The following ALMS1 variants were observed in gnomAD, a reference collection of about 807,000 sequenced individuals.
ALMS1 encodes the protein centrosome-associated protein ALMS1.
ALMS1 carries 271 observed loss-of-function variants against 352.2 expected under a neutral mutation model. The ratio of observed to expected loss-of-function variants is 0.77; its 90% confidence interval spans 0.70 to 0.85. The LOEUF (loss-of-function observed/expected upper bound fraction) is 0.85. ALMS1 is among the 40% of genes least tolerant of loss of function. The probability of loss-of-function intolerance (pLI) is 0.00; values close to 1 mark genes in which losing one functional copy is unlikely to be tolerated. For missense variants in ALMS1, 5,445 were observed against 4,870.7 expected (o/e 1.12, Z -3.51); for synonymous variants, 1,865 against 1,761.2 (o/e 1.06, Z -1.48).
intron 9 of ALMS1, among the ~76,000 whole-genome samples, chr2:73,466,975 C>T (rs898461836): frequency 4.6e-5 from 7 of 152,058 alleles, no homozygotes; most frequent in Non-Finnish European, 5.9e-5. Flanking sequence ...TATAATAACC[C>T]TGTCCCCTAC....
intron 10 of ALMS1, among the ~76,000 whole-genome samples, chr2:73,518,889 A>T (rs1429848769): frequency 6.6e-6 from 1 of 152,130 alleles, no homozygotes; most frequent in Non-Finnish European, 1.5e-5. Context: ...TGCTCTGTTG[A>T]TAATTTTTCT....
intron 21 of ALMS1, among the ~76,000 whole-genome samples, chr2:73,608,163 G>C (rs557138913): frequency 1.3e-5 from 2 of 152,058 alleles, no homozygotes; most frequent in African/African-American, 4.8e-5. Flanking sequence ...GTCCATTTTT[G>C]CATGTAGAGC....
chr2:73,425,902 C>T (rs957041278), intron 5 of ALMS1, among the ~76,000 whole-genome samples: 1 of 152,140 alleles, frequency 6.6e-6, no homozygotes, highest in Non-Finnish European at 1.5e-5. Flanking sequence ...GTTCATTAAG[C>T]CACTTTGTGT....
chr2:73,544,034 A>G (rs1674256465), intron 12 of ALMS1, among the ~76,000 whole-genome samples: 1 of 152,232 alleles, frequency 6.6e-6, no homozygotes, highest in East Asian at 1.9e-4. Flanking sequence ...CCAAAGGATT[A>G]TAAATCATGC....
At position 73,572,870 on chromosome 2, in the gene ALMS1, G is replaced by T; in HGVS notation, c.10993G>T (p.Gly3665Cys). The change falls in exon 16 of 23, where the codon GGT (glycine) becomes TGT (cysteine). Residue 3665 changes from glycine to cysteine, a missense_variant. By Grantham distance (159) the Gly-to-Cys change is radical (BLOSUM62 -3). Transcript: ENST00000613296. ...GGAACGAAGTGTGAAGGAATGGAGT[G>T]GTAGACAACAGCAGAGAAATAAGCT... The part of the protein sequence containing the change: ...RGERSVKEWS[G>C]RQQQRNKLQK... The T allele has an allele frequency of 6.2e-7, 1 of 1,614,024 alleles. No homozygotes were observed.
At chr2:73,460,806 C>G (rs368645417) in intron 9 of ALMS1, among the ~76,000 whole-genome samples, 2 of 152,240 alleles carry the variant, frequency 1.3e-5, no homozygotes, top group Admixed American at 6.5e-5. Flanking sequence ...GCACATGGCT[C>G]GGAGGGTCCT....
In ALMS1 at chr2:73,575,852, A is replaced by AT. The variant is rs112224769; in HGVS notation, c.11547+2438dup. On this transcript the variant is annotated intron_variant, in intron 16 of 22. Coordinates refer to ENST00000613296, the MANE Select transcript of ALMS1 (RefSeq NM_001378454.1). The stretch of plus-strand genomic sequence containing the variant: ...AATTTTGATGTAGTCCAATTTAGCT[A>AT]TTTTTTTTTTGTTTTTTGTGCTTTT... Among the ~76,000 whole-genome samples, 98 of 150,012 alleles carry AT rather than the reference A, an allele frequency of 6.5e-4. 1 individual carries two copies. The highest frequency in any genetic ancestry group is 5.6e-3 in the East Asian group (28 of 5,040).
chr2:73,572,162 C>T, intron 15 of ALMS1, 100 bp from the exon 16 acceptor site: 1 of 1,021,476 alleles, frequency 9.8e-7, no homozygotes, highest in Non-Finnish European at 1.4e-6. Context: ...ACTATTCTTT[C>T]CTTTAGTCTT....
intron 11 of ALMS1, among the ~76,000 whole-genome samples, chr2:73,521,044 T>A (rs1039711076): frequency 6.6e-6 from 1 of 152,208 alleles, no homozygotes; most frequent in Non-Finnish European, 1.5e-5. Context: ...GAAAATTGTT[T>A]AGTTCAGCAT....
rs1174940495 is a variant in ALMS1 at position 73,463,877 on chromosome 2, C to T, written c.7674+8582C>T. Among the ~76,000 whole-genome samples, 35 of 151,366 alleles carry T rather than the reference C, an allele frequency of 2.3e-4. 1 individual carries two copies. The highest frequency in any genetic ancestry group is 1.2e-3 in the Admixed American group (18 of 15,194). ...TGGACAAATTCTTTGACACATACAC[C>T]CTCCCAAGACTAAACCAGGAAGAAG... On this transcript the variant is annotated intron_variant, in intron 9 of 22. Transcript: ENST00000613296.
At chr2:73,529,715 A>C (rs1399865229) in intron 11 of ALMS1, among the ~76,000 whole-genome samples, 1 of 152,148 alleles carries the variant, frequency 6.6e-6, no homozygotes, top group Non-Finnish European at 1.5e-5. Context: ...GTCCATTTTC[A>C]AACTCCTAGA....
intron 3 of ALMS1, among the ~76,000 whole-genome samples, chr2:73,421,045 T>C (rs1671272735): frequency 6.6e-6 from 1 of 152,166 alleles, no homozygotes; most frequent in Admixed American, 6.5e-5. Flanking sequence ...ACAGATAATG[T>C]TGTACACTTG....
In ALMS1 at chr2:73,451,420, T is replaced by C. The variant is rs2103784349; in HGVS notation, c.4893T>C (p.Ala1631=). ...AGCCCATTACTTTCTACCGGCAGGC[T>C]CTGCTAGACAGTCCTCTAAATAAAG... ...GEKPITFYRQ[A]LLDSPLNKEV... The change falls in exon 8 of 23, where the codon GCT becomes GCC. Residue 1631 remains alanine (A), a synonymous_variant. Coordinates refer to ENST00000613296, the MANE Select transcript of ALMS1 (RefSeq NM_001378454.1). 6.2e-7 allele frequency: 1 copy of C among 1,612,340 alleles called. No individual in the cohort carries two copies. The highest frequency in any genetic ancestry group is 1.1e-5 in the South Asian group (1 of 90,978).
chr2:73,600,556 C>G, intron 17 of ALMS1, 122 bp from the exon 18 acceptor site: 1 of 880,624 alleles, frequency 1.1e-6, no homozygotes, highest in Non-Finnish European at 1.7e-6. Flanking sequence ...TCGCATCCCT[C>G]CATCCCACAC....
rs568912964 is a variant in ALMS1 at position 73,402,215 on chromosome 2, G to T, written c.325-6407G>T. 3.6e-4 allele frequency among the ~76,000 whole-genome samples: 54 copies of T among 150,452 alleles called. 1 individual carries two copies. In the South Asian group the frequency reaches 0.011, roughly 32 times the overall value. On this transcript the variant is annotated intron_variant, in intron 1 of 22. Coordinates refer to ENST00000613296, the MANE Select transcript of ALMS1 (RefSeq NM_001378454.1). Reference sequence around the variant, plus strand: ...TAGGTTTTTACCCAGAAATGGAATTGCTAGGTCATACAAGAAAAGTAGTCC... The same window carrying T: ...TAGGTTTTTACCCAGAAATGGAATTTCTAGGTCATACAAGAAAAGTAGTCC...
In ALMS1 at chr2:73,457,863, T is replaced by A. The variant is rs530461498; in HGVS notation, c.7674+2568T>A. 4 of 151,632 alleles carry A rather than the reference T, an allele frequency of 2.6e-5. No homozygotes were observed. The East Asian group carries it at 7.9e-4, about 30-fold the overall frequency. The allele number at this position is 151,632 out of a possible 1,614,324, so 9.4% of individuals were successfully genotyped here. A position where few individuals can be genotyped will look rare whatever the true frequency, so the allele number is the denominator to read the frequency against. The stretch of plus-strand genomic sequence containing the variant: ...GCCTGGCCGACGTGGTGAAACCCCG[T>A]CTCTACTAAAAATACAAAAATTACC... On this transcript the variant is annotated intron_variant, in intron 9 of 22. Transcript: ENST00000613296.
chr2:73,442,434 A>G (rs933902061), intron 7 of ALMS1, among the ~76,000 whole-genome samples: 5 of 152,148 alleles, frequency 3.3e-5, no homozygotes, highest in Admixed American at 6.5e-5. Context: ...GGATTTTGAT[A>G]GCTTCATTCC....
At chr2:73,496,796 CAT>C (rs1673117322) in intron 10 of ALMS1, among the ~76,000 whole-genome samples, 2 of 152,132 alleles carry the variant, frequency 1.3e-5, no homozygotes, top group African/African-American at 2.4e-5. Flanking sequence ...GGTATCTCAA[CAT>C]AGTTTTAATT....
rs770379083 is a variant in ALMS1, at chr2:73,502,973, T to C, written c.9539+11475T>C. On this transcript the variant is annotated intron_variant, in intron 10 of 22. Coordinates refer to ENST00000613296, the MANE Select transcript of ALMS1 (RefSeq NM_001378454.1). Reference sequence around the variant, plus strand: ...ATCACTTTCGTGTAATATAGTCTCATTTCCTATAAAAGGACATTCTCCTAT... The same window carrying C: ...ATCACTTTCGTGTAATATAGTCTCACTTCCTATAAAAGGACATTCTCCTAT... Among the ~76,000 whole-genome samples, 60 of 152,188 alleles carry C rather than the reference T, an allele frequency of 3.9e-4. 1 individual carries two copies. The highest frequency in any genetic ancestry group is 6.0e-4 in the Non-Finnish European group (41 of 68,024).
Sources: allele counts gnomAD v4.1 joint callset (sites outside exome capture counted in the v4.1 genomes callset), GRCh38; gene constraint gnomAD v4.1.1; transcripts MANE v1.5; gene names NCBI Gene and HGNC (gene_info 2026-07-23, HGNC 2026-07-21).